The following DCC variants were observed in gnomAD, a reference collection of about 807,000 sequenced individuals.
DCC encodes DCC netrin 1 receptor.
A neutral mutation model predicts 172.5 loss-of-function variants in DCC; 58 were observed. That is an observed-to-expected ratio of 0.34 (90% confidence interval 0.27 to 0.42). The LOEUF (loss-of-function observed/expected upper bound fraction) is 0.42, where lower values mean the gene tolerates loss of function less well. Ranked by LOEUF, DCC falls within the 10% of genes least tolerant of loss-of-function variation. DCC has a pLI of 1.00. For missense variants in DCC, 1,740 were observed against 1,791.0 expected (o/e 0.97, Z 0.51); for synonymous variants, 709 against 644.5 (o/e 1.10, Z -1.52).
At chr18:52,526,961 T>C (rs2032001953) in intron 1 of DCC, among the ~76,000 whole-genome samples, 1 of 152,152 alleles carries the variant, frequency 6.6e-6, no homozygotes, top group African/African-American at 2.4e-5. Context: ...CTACAGGTGG[T>C]GTTTAAATAT....
At chr18:52,685,780 G>A (rs2035821585) in intron 1 of DCC, among the ~76,000 whole-genome samples, 1 of 152,044 alleles carries the variant, frequency 6.6e-6, no homozygotes, top group African/African-American at 2.4e-5. Flanking sequence ...ATCTGATAAG[G>A]TGGAAGGGAT....
At chr18:53,123,185 T>C (rs1433375087) in intron 7 of DCC, among the ~76,000 whole-genome samples, 1 of 151,968 alleles carries the variant, frequency 6.6e-6, no homozygotes, top group African/African-American at 2.4e-5. Flanking sequence ...CATTGGAGGG[T>C]ACTAGGAAAA....
chr18:52,870,196 G>C (rs1568158510), intron 2 of DCC, among the ~76,000 whole-genome samples: 2 of 152,186 alleles, frequency 1.3e-5, no homozygotes, highest in South Asian at 4.1e-4. Context: ...CCCTGCAGGT[G>C]GTGGGCAAGA....
chr18:52,376,427 G>A (rs996260464), intron 1 of DCC, among the ~76,000 whole-genome samples: 1 of 152,054 alleles, frequency 6.6e-6, no homozygotes, highest in Non-Finnish European at 1.5e-5. Context: ...TTTCTGTTGT[G>A]TAGCCAAGAA....
intron 1 of DCC, among the ~76,000 whole-genome samples, chr18:52,592,683 G>T (rs569353458): frequency 1.3e-5 from 2 of 152,308 alleles, no homozygotes; most frequent in Non-Finnish European, 2.9e-5. Context: ...GCCCAGGCTG[G>T]AGTGCAGTGG....
chr18:53,512,608 G>A (rs2046271441), intron 27 of DCC, among the ~76,000 whole-genome samples: 1 of 151,504 alleles, frequency 6.6e-6, no homozygotes, highest in East Asian at 1.9e-4. Context: ...ATACAGAGAA[G>A]TGCTTAAAGG....
chr18:52,351,585 A>G (rs1054871253), intron 1 of DCC, among the ~76,000 whole-genome samples: 4 of 152,184 alleles, frequency 2.6e-5, no homozygotes, highest in African/African-American at 4.8e-5. Flanking sequence ...TTAACTTGGT[A>G]ATAAGTCATT....
chr18:53,321,980 G>C, intron 13 of DCC, 67 bp from the exon 14 acceptor site: 1 of 869,670 alleles, frequency 1.1e-6, no homozygotes, highest in Non-Finnish European at 2.0e-6. Flanking sequence ...TGAAGCTTTT[G>C]GAAACCCAGG....
intron 2 of DCC, among the ~76,000 whole-genome samples, chr18:52,789,444 A>G (rs548078855): frequency 6.6e-6 from 1 of 152,302 alleles, no homozygotes; most frequent in South Asian, 2.1e-4. Context: ...AGAAGAGACA[A>G]ACATAAAGGC....
chr18:52,867,543 A>G (rs1173200132), intron 2 of DCC, among the ~76,000 whole-genome samples: 1 of 151,676 alleles, frequency 6.6e-6, no homozygotes, highest in East Asian at 1.9e-4. Flanking sequence ...GCTATTAATT[A>G]CTGCCTCAAT....
At chr18:52,832,371 A>C (rs1378636142) in intron 2 of DCC, among the ~76,000 whole-genome samples, 1 of 152,102 alleles carries the variant, frequency 6.6e-6, no homozygotes, top group African/African-American at 2.4e-5. Context: ...GGGGGCTCTG[A>C]CTTTTGGGGA....
chr18:52,692,028 A>T (rs780265243), intron 1 of DCC, among the ~76,000 whole-genome samples: 1 of 152,114 alleles, frequency 6.6e-6, no homozygotes, highest in Non-Finnish European at 1.5e-5. Context: ...AAACCTACAG[A>T]TGGAAAATCT....
intron 1 of DCC, among the ~76,000 whole-genome samples, chr18:52,555,535 C>T (rs1175615614): frequency 6.6e-6 from 1 of 152,022 alleles, no homozygotes; most frequent in Non-Finnish European, 1.5e-5. Context: ...ACTAGATGAT[C>T]TATTCACTTC....
At chr18:52,630,538 A>C (rs2144878775) in intron 1 of DCC, among the ~76,000 whole-genome samples, 1 of 152,342 alleles carries the variant, frequency 6.6e-6, no homozygotes, top group Non-Finnish European at 1.5e-5. Context: ...GCACATAGTA[A>C]GATACATGGT....
chr18:53,503,672 T>C (rs1044361766), intron 27 of DCC, among the ~76,000 whole-genome samples: 1 of 152,208 alleles, frequency 6.6e-6, no homozygotes, highest in Non-Finnish European at 1.5e-5. Flanking sequence ...AGTGATCAGC[T>C]GCACTTTAAA....
chr18:53,077,816 T>C lies in DCC; in HGVS notation c.1261+11650T>C, dbSNP rs184778679. On this transcript the variant is annotated intron_variant, in intron 7 of 28. Coordinates refer to ENST00000442544, the MANE Select transcript of DCC (RefSeq NM_005215.4). ...ATAAATGGGTGATATTTCAGGTTTA[T>C]TTGAGTCTAATCAGACTAGTTTTAG... 3.0e-3 allele frequency among the ~76,000 whole-genome samples: 452 copies of C among 152,294 alleles called. 5 individuals are homozygous for C. The highest frequency in any genetic ancestry group is 0.022 in the Admixed American group (331 of 15,276).
chr18:52,732,767 A>T (rs1157364983), intron 1 of DCC, among the ~76,000 whole-genome samples: 3 of 152,168 alleles, frequency 2.0e-5, no homozygotes, highest in Non-Finnish European at 4.4e-5. Context: ...TCTCCTCTCT[A>T]AAAATCAACA....
intron 3 of DCC, among the ~76,000 whole-genome samples, chr18:52,919,797 C>T (rs1185509115): frequency 1.3e-5 from 2 of 151,902 alleles, no homozygotes; most frequent in African/African-American, 4.8e-5. Context: ...ATAAGAAGAA[C>T]AAAGTCAAAG....
chr18:53,191,044 C>A (rs550782873), intron 9 of DCC, among the ~76,000 whole-genome samples: 1 of 152,182 alleles, frequency 6.6e-6, no homozygotes, highest in African/African-American at 2.4e-5. Flanking sequence ...CCATGCTAGG[C>A]ACATAATTTC....
Sources: gnomAD v4.1 joint callset for allele counts (sites outside exome capture counted in the v4.1 genomes callset) on GRCh38, gnomAD v4.1.1 for gene constraint, MANE v1.5 for transcripts, NCBI Gene and HGNC (gene_info 2026-07-23, HGNC 2026-07-21) for gene names.